The following TNFRSF11B variants were observed in gnomAD, a reference collection of about 807,000 sequenced individuals.
TNFRSF11B encodes the protein TNF receptor superfamily member 11b.
TNFRSF11B carries 16 observed loss-of-function variants against 43.4 expected under a neutral mutation model. The observed-to-expected ratio is 0.37, with a 90% CI of 0.25 to 0.56. The LOEUF (loss-of-function observed/expected upper bound fraction) is 0.56, where lower values mean the gene tolerates loss of function less well. Among genes scored for constraint, TNFRSF11B ranks in the 20% least tolerant of loss-of-function variants. The pLI is 0.80. For missense variants in TNFRSF11B, 444 were observed against 490.1 expected (o/e 0.91, Z 0.89); for synonymous variants, 185 against 181.8 (o/e 1.02, Z -0.14).
intron 4 of TNFRSF11B, among the ~76,000 whole-genome samples, chr8:118,925,833 C>A (rs987303431): frequency 6.6e-6 from 1 of 152,188 alleles, no homozygotes; most frequent in African/African-American, 2.4e-5. Flanking sequence ...TCTTCAGATT[C>A]TTTCACACTT....
In TNFRSF11B at chr8:118,924,495, G is replaced by C; in HGVS notation, c.1085C>G (p.Thr362Ser). 1 of 1,614,060 alleles carries C rather than the reference G, an allele frequency of 6.2e-7. No homozygotes were observed. Among genetic ancestry groups the C allele is most frequent in the Non-Finnish European group, 8.5e-7 (1 of 1,179,914 alleles). ...SKTYHFPKTV[T>S]QSLKKTIRFL... ...CCTGATGGTCTTCTTTAGACTCTGA[G>C]TGACAGTTTTGGGAAAGTGGTACGT... The change falls in exon 5 of 5, where the codon ACT becomes AGT. Residue 362 changes from threonine to serine, a missense_variant. Transcript: ENST00000297350.
chr8:118,941,631 A>G (rs1201656001), intron 1 of TNFRSF11B, among the ~76,000 whole-genome samples: 1 of 152,174 alleles, frequency 6.6e-6, no homozygotes, highest in Non-Finnish European at 1.5e-5. Context: ...TCAATCATAA[A>G]TGTTAGGTTG....
At chr8:118,937,156 C>T (rs956254255) in intron 1 of TNFRSF11B, among the ~76,000 whole-genome samples, 2 of 152,196 alleles carry the variant, frequency 1.3e-5, no homozygotes, top group African/African-American at 4.8e-5. Flanking sequence ...TCTTTTCTCA[C>T]ATATCAAATG....
At chr8:118,951,708 C>T (rs1184985240) in intron 1 of TNFRSF11B, 84 bp downstream of exon 1, 6 of 1,363,938 alleles carry the variant, frequency 4.4e-6, no homozygotes, top group South Asian at 1.2e-5. Flanking sequence ...GCCTTCTCCC[C>T]GCCGGTCCGC....
At chr8:118,947,467 G>A (rs1031496205) in intron 1 of TNFRSF11B, among the ~76,000 whole-genome samples, 1 of 152,150 alleles carries the variant, frequency 6.6e-6, no homozygotes, top group African/African-American at 2.4e-5. Flanking sequence ...TATCCCTTAG[G>A]AGAAGTTCTA....
At chr8:118,942,219 T>TC (rs1200264469) in intron 1 of TNFRSF11B, among the ~76,000 whole-genome samples, 6 of 38,930 alleles carry the variant, frequency 1.5e-4, no homozygotes, top group African/African-American at 9.5e-4. Context: ...CCCTTCCCCC[T>TC]CCCCCCACCC....
intron 2 of TNFRSF11B, chr8:118,930,672 A>G: frequency 2.4e-6 from 1 of 420,838 alleles, no homozygotes; most frequent in Non-Finnish European, 4.9e-6. Flanking sequence ...TTGACCTCTC[A>G]AACTCTTGAG....
intron 2 of TNFRSF11B, among the ~76,000 whole-genome samples, chr8:118,929,739 A>G (rs577762565): frequency 1.3e-5 from 2 of 152,390 alleles, no homozygotes; most frequent in East Asian, 3.9e-4. Flanking sequence ...ACTTGACTAT[A>G]TTACGCATGG....
At chr8:118,946,525 T>C (rs1812563151) in intron 1 of TNFRSF11B, among the ~76,000 whole-genome samples, 1 of 152,204 alleles carries the variant, frequency 6.6e-6, no homozygotes, top group Non-Finnish European at 1.5e-5. Flanking sequence ...GCATAGATAG[T>C]TTACGGATGT....
chr8:118,927,595 G>C (rs1474757601), intron 3 of TNFRSF11B, among the ~76,000 whole-genome samples: 7 of 143,454 alleles, frequency 4.9e-5, no homozygotes, highest in Non-Finnish European at 9.0e-5. Context: ...GGCTAAAATG[G>C]CTTGTCTATG....
chr8:118,934,769 C>T (rs973442028), intron 1 of TNFRSF11B, among the ~76,000 whole-genome samples: 2 of 152,082 alleles, frequency 1.3e-5, no homozygotes, highest in African/African-American at 4.8e-5. Context: ...ATAATTTTTT[C>T]CAAACTCTCT....
chr8:118,936,342 C>G (rs1438801342), intron 1 of TNFRSF11B, among the ~76,000 whole-genome samples: 1 of 152,126 alleles, frequency 6.6e-6, no homozygotes, highest in Non-Finnish European at 1.5e-5. Context: ...TCAATTGGGC[C>G]TCTGTTTTAG....
intron 2 of TNFRSF11B, among the ~76,000 whole-genome samples, chr8:118,929,363 A>C (rs1812293310): frequency 6.6e-6 from 1 of 152,254 alleles, no homozygotes; most frequent in East Asian, 1.9e-4. Context: ...TGCATCATTA[A>C]ATTCCAATCA....
intron 1 of TNFRSF11B, among the ~76,000 whole-genome samples, chr8:118,950,391 G>A (rs766524179): frequency 6.9e-4 from 105 of 152,206 alleles, no homozygotes; most frequent in Non-Finnish European, 1.3e-3. Flanking sequence ...AGAACTTTCA[G>A]TGAAAGAAGT....
Position 118,928,897 on chromosome 8 carries a change from A to G in TNFRSF11B, c.433T>C (p.Cys145Arg). Residue 145 changes from cysteine to arginine, a missense_variant, in exon 3 of 5, where the codon TGT (cysteine) becomes CGT (arginine). By Grantham distance (180) the Cys-to-Arg change is radical. Coordinates refer to ENST00000297350, the MANE Select transcript of TNFRSF11B (RefSeq NM_002546.4). ...TCATTTGAGAAGAACCCATCTGGAC[A>G]TCTTTTGCAAACTGTATTTCGCTCT... ...TPERNTVCKR[C>R]PDGFFSNETS... is the part of the protein sequence containing the mutation. 1 of 1,614,192 alleles carries G rather than the reference A, an allele frequency of 6.2e-7. No individual in the cohort carries two copies. Among genetic ancestry groups the G allele is most frequent in the African/African-American group, 1.3e-5 (1 of 75,060 alleles).
chr8:118,934,276 T>C (rs1029803339), intron 1 of TNFRSF11B, among the ~76,000 whole-genome samples: 22 of 152,212 alleles, frequency 1.4e-4, no homozygotes, highest in Admixed American at 1.2e-3. Context: ...GAGTCAGACA[T>C]GTCCCCTGTT....
intron 4 of TNFRSF11B, among the ~76,000 whole-genome samples, chr8:118,926,120 A>T (rs1368860514): frequency 1.3e-5 from 2 of 151,788 alleles, no homozygotes; most frequent in Non-Finnish European, 2.9e-5. Context: ...TTCTTGGTAG[A>T]GGTGCAATGT....
At chr8:118,937,935 T>A (rs1470009290) in intron 1 of TNFRSF11B, among the ~76,000 whole-genome samples, 3 of 152,316 alleles carry the variant, frequency 2.0e-5, no homozygotes, top group East Asian at 1.9e-4. Flanking sequence ...AATGTTTACT[T>A]AAATGTTTTA....
At chr8:118,936,156 G>C (rs1812403279) in intron 1 of TNFRSF11B, among the ~76,000 whole-genome samples, 1 of 152,112 alleles carries the variant, frequency 6.6e-6, no homozygotes, top group African/African-American at 2.4e-5. Flanking sequence ...CTTTCTTAAA[G>C]ATACAGGGAG....
Sources: gnomAD v4.1 joint callset for allele counts (sites outside exome capture counted in the v4.1 genomes callset) on GRCh38, gnomAD v4.1.1 for gene constraint, MANE v1.5 for transcripts, NCBI Gene and HGNC (gene_info 2026-07-23, HGNC 2026-07-21) for gene names.